PCDH7: variants seen among roughly 807,000 people sequenced by gnomAD.
PCDH7 encodes protocadherin 7.
Under a neutral mutation model 58.9 loss-of-function variants are expected in PCDH7, and 17 were observed. The observed-to-expected ratio is 0.29, with a 90% CI of 0.20 to 0.43. The LOEUF is 0.43. Ranked by LOEUF, PCDH7 falls within the 20% of genes least tolerant of loss-of-function variation. The pLI is 1.00. For synonymous variants in PCDH7, 664 were observed against 616.4 expected, an observed-to-expected ratio of 1.08 and a Z score of -1.14; for missense variants, 1,274 against 1,441.0, an observed-to-expected ratio of 0.88 and a Z score of 1.88.
intron 1 of PCDH7, among the ~76,000 whole-genome samples, chr4:30,742,482 T>C (rs1034664082): frequency 3.9e-5 from 6 of 152,258 alleles, no homozygotes; most frequent in African/African-American, 1.2e-4. Flanking sequence ...ATATAGTACT[T>C]TTACAACCTA....
intron 1 of PCDH7, among the ~76,000 whole-genome samples, chr4:30,769,818 C>G (rs2109277247): frequency 6.6e-6 from 1 of 152,266 alleles, no homozygotes; most frequent in Non-Finnish European, 1.5e-5. Context: ...GGAACTTATT[C>G]AGATAGCTTT....
intron 1 of PCDH7, among the ~76,000 whole-genome samples, chr4:30,894,487 AAAAATATATATAT>A (rs1739063350): frequency 4.2e-5 from 2 of 47,774 alleles, no homozygotes; most frequent in African/African-American, 7.9e-5. Context: ...AAAAAAAAAA[AAAAATATATATAT>A]ATATATATAT....
intron 1 of PCDH7, among the ~76,000 whole-genome samples, chr4:30,778,436 G>A (rs1722352399): frequency 6.6e-6 from 1 of 151,950 alleles, no homozygotes; most frequent in African/African-American, 2.4e-5. Context: ...AAAATTATAT[G>A]CTATATTGAT....
At chr4:31,092,864 G>A (rs1397715648) in intron 3 of PCDH7, among the ~76,000 whole-genome samples, 1 of 152,014 alleles carries the variant, frequency 6.6e-6, no homozygotes, top group Non-Finnish European at 1.5e-5. Context: ...TGACTGGATG[G>A]AAATGTGTGG....
At chr4:31,017,657 C>T (rs13111601) in intron 3 of PCDH7, among the ~76,000 whole-genome samples, 1 of 151,814 alleles carries the variant, frequency 6.6e-6, no homozygotes, top group South Asian at 2.1e-4. Flanking sequence ...CAATAATGAT[C>T]GTATAATGAA....
chr4:30,965,984 G>A (rs1748961404), intron 3 of PCDH7, among the ~76,000 whole-genome samples: 1 of 152,048 alleles, frequency 6.6e-6, no homozygotes, highest in African/African-American at 2.4e-5. Flanking sequence ...GGAATTTTCA[G>A]GATAATTAAT....
intron 3 of PCDH7, among the ~76,000 whole-genome samples, chr4:30,969,006 T>C (rs1299127566): frequency 6.6e-6 from 1 of 152,218 alleles, no homozygotes; most frequent in African/African-American, 2.4e-5. Flanking sequence ...TAATCTTTTC[T>C]TCCCCTTATA....
At chr4:30,742,449 G>A (rs1717206454) in intron 1 of PCDH7, among the ~76,000 whole-genome samples, 1 of 151,966 alleles carries the variant, frequency 6.6e-6, no homozygotes, top group Non-Finnish European at 1.5e-5. Context: ...ACATGGCTTC[G>A]AAAAAACAAA....
rs542775046 is a variant in PCDH7, at chr4:30,877,708, C to T, written c.71-42445C>T. Among the ~76,000 whole-genome samples, 13 of 152,188 alleles carry T rather than the reference C, an allele frequency of 8.5e-5. No homozygotes were observed. In the East Asian group the frequency reaches 2.5e-3, roughly 29 times the overall value. Reference sequence around the variant, plus strand: ...CTAAAATTTCATTCTTATTTTTATGCTGGTAACTACATGGTATTCAGTGGA... The same window carrying T: ...CTAAAATTTCATTCTTATTTTTATGTTGGTAACTACATGGTATTCAGTGGA... On this transcript the variant is annotated intron_variant, in intron 1 of 3. Transcript: ENST00000509759.
At chr4:30,916,372 ACCTAAAGAAATTCTTTG>A (rs1166432950) in intron 1 of PCDH7, among the ~76,000 whole-genome samples, 1 of 152,154 alleles carries the variant, frequency 6.6e-6, no homozygotes, top group Non-Finnish European at 1.5e-5. Flanking sequence ...TAATTCACTT[ACCTAAAGAAATTCTTTG>A]ATTTTCACTC....
intron 3 of PCDH7, among the ~76,000 whole-genome samples, chr4:31,041,413 T>C (rs1755845218): frequency 6.6e-6 from 1 of 152,188 alleles, no homozygotes; most frequent in Non-Finnish European, 1.5e-5. Flanking sequence ...TTAAAGAGCA[T>C]GCTCCTTGCT....
At chr4:31,035,895 G>C (rs1755370321) in intron 3 of PCDH7, among the ~76,000 whole-genome samples, 2 of 152,216 alleles carry the variant, frequency 1.3e-5, no homozygotes, top group South Asian at 4.1e-4. Context: ...ATATATTTAT[G>C]GTAGCGATAA....
intron 3 of PCDH7, among the ~76,000 whole-genome samples, chr4:31,133,858 A>G (rs921105608): frequency 2.0e-5 from 3 of 152,218 alleles, no homozygotes; most frequent in African/African-American, 7.2e-5. Flanking sequence ...TAAGGGCAGT[A>G]AATGCTTCTT....
At chr4:30,840,707 A>C (rs1731097686) in intron 1 of PCDH7, among the ~76,000 whole-genome samples, 1 of 152,208 alleles carries the variant, frequency 6.6e-6, no homozygotes, top group South Asian at 2.1e-4. Context: ...TTTTTTGCAG[A>C]TATTTTAAGA....
rs192877260 is a variant in PCDH7, at chr4:30,939,391, G to T, written c.288-10729G>T. Among the ~76,000 whole-genome samples the T allele has an allele frequency of 9.2e-5, 14 of 152,162 alleles. No homozygotes were observed. The East Asian group carries it at 2.5e-3, about 27-fold the overall frequency. Reference sequence around the variant, plus strand: ...TAATAAAGTCCTTGTGATACTACTGGTAATAAACTTTCATGGATGCAATCC... The same window carrying T: ...TAATAAAGTCCTTGTGATACTACTGTTAATAAACTTTCATGGATGCAATCC... On this transcript the variant is annotated intron_variant, in intron 2 of 3. Transcript: ENST00000509759.
intron 3 of PCDH7, among the ~76,000 whole-genome samples, chr4:31,118,407 T>C (rs1717254055): frequency 6.6e-6 from 1 of 152,202 alleles, no homozygotes; most frequent in Non-Finnish European, 1.5e-5. Context: ...TTTTTTTTAA[T>C]GTTGTTCTAA....
intron 3 of PCDH7, among the ~76,000 whole-genome samples, chr4:30,985,233 A>G (rs1209391214): frequency 6.6e-6 from 1 of 152,208 alleles, no homozygotes; most frequent in Non-Finnish European, 1.5e-5. Context: ...CTGGGATTAC[A>G]GGCATGAGCC....
intron 1 of PCDH7, among the ~76,000 whole-genome samples, chr4:30,902,303 C>T (rs553749227): frequency 1.3e-5 from 2 of 152,108 alleles, no homozygotes; most frequent in African/African-American, 4.8e-5. Context: ...TGTTTTTTTA[C>T]TTCAGCGTTC....
chr4:30,746,572 GC>G (rs1036137222), intron 1 of PCDH7, among the ~76,000 whole-genome samples: 1 of 152,010 alleles, frequency 6.6e-6, no homozygotes, highest in Non-Finnish European at 1.5e-5. Context: ...CCTGAAATTT[GC>G]CCCATTTGCT....
Sources: gnomAD v4.1 joint callset for allele counts (sites outside exome capture counted in the v4.1 genomes callset) on GRCh38, gnomAD v4.1.1 for gene constraint, MANE v1.5 for transcripts, NCBI Gene and HGNC (gene_info 2026-07-23, HGNC 2026-07-21) for gene names.